MID2: variants seen among roughly 807,000 people sequenced by gnomAD.
MID2 encodes midline 2.
Under a neutral mutation model 46.1 loss-of-function variants are expected in MID2, and 13 were observed. The ratio of observed to expected loss-of-function variants is 0.28; its 90% confidence interval spans 0.18 to 0.45. The LOEUF is 0.45. MID2 is among the 20% of genes least tolerant of loss of function. The pLI is 1.00. For missense variants in MID2, 431 were observed against 575.4 expected, an observed-to-expected ratio of 0.75 and a Z score of 2.57; for synonymous variants, 199 against 212.3, an observed-to-expected ratio of 0.94 and a Z score of 0.55.
intron 3 of MID2, among the ~76,000 whole-genome samples, chrX:107,873,118 C>G (rs1026479580): frequency 1.8e-5 from 2 of 111,661 alleles, no homozygotes; most frequent in African/African-American, 6.5e-5. Flanking sequence ...GCCATTATCA[C>G]TCTGGAGGTA....
intron 3 of MID2, among the ~76,000 whole-genome samples, chrX:107,889,217 A>G (rs1253359241): frequency 1.8e-5 from 2 of 111,438 alleles, no homozygotes; most frequent in African/African-American, 3.3e-5. Flanking sequence ...TCCTAGCCTC[A>G]ATGGTCTTTA....
In MID2 at chrX:107,917,535, C is replaced by T. The variant is rs747976072; in HGVS notation, c.1231C>T (p.Leu411Phe). The T allele has an allele frequency of 1.7e-6, 2 of 1,208,996 alleles. No individual in the cohort carries two copies. Among genetic ancestry groups the T allele is most frequent in the African/African-American group, 3.5e-5 (2 of 57,016 alleles). Residue 411 changes from leucine to phenylalanine, a missense_variant, in exon 7 of 10, where the codon CTC (leucine) becomes TTC (phenylalanine). Physicochemically the swap from Leu to Phe is conservative, Grantham distance 22. Coordinates refer to ENST00000262843, the MANE Select transcript of MID2 (RefSeq NM_012216.4). The part of the protein sequence containing the change: ...APNPPSIREE[L>F]CTASHDTITV... ...AAACCCACCATCTATCCGAGAAGAA[C>T]TCTGTACTGCCTCCCATGACACCAT... is the stretch of plus-strand genomic sequence containing the variant.
intron 3 of MID2, among the ~76,000 whole-genome samples, chrX:107,860,247 G>A (rs1931827510): frequency 9.0e-6 from 1 of 111,704 alleles, no homozygotes; most frequent in African/African-American, 3.3e-5. Context: ...GTGAAGGAGT[G>A]AGGGAGAAGA....
chrX:107,848,541 GA>G (rs902728734), intron 2 of MID2, among the ~76,000 whole-genome samples: 2 of 111,193 alleles, frequency 1.8e-5, no homozygotes, highest in African/African-American at 6.5e-5. Flanking sequence ...AGAGCCTTTT[GA>G]AAAGATGGCA....
At position 107,931,244 on chromosome X, in the gene MID2, G is replaced by A. The variant is rs1212001190; in HGVS notation, c.*4171G>A. On this transcript the variant is annotated 3_prime_UTR_variant, in exon 10 of 10. Transcript: ENST00000262843. The stretch of plus-strand genomic sequence containing the variant: ...TCCAAGGAATGGAGAGTGTCAGGCA[G>A]GTAGGTAAGAACCACTCCTACACTT... Among the ~76,000 whole-genome samples, 1 of 112,071 alleles carries A rather than the reference G, an allele frequency of 8.9e-6. No individual in the cohort carries two copies. The highest frequency in any genetic ancestry group is 1.9e-5 in the Non-Finnish European group (1 of 53,162).
chrX:107,890,667 C>A (rs1055293149), intron 3 of MID2, among the ~76,000 whole-genome samples: 4 of 112,105 alleles, frequency 3.6e-5, no homozygotes, highest in African/African-American at 1.3e-4. Flanking sequence ...ACATTTAAGT[C>A]TGCAGAGTTT....
intron 5 of MID2, among the ~76,000 whole-genome samples, chrX:107,910,838 C>CTTTCCTTTCCTTTCCTTTCCTCTCCT: frequency 2.4e-5 from 1 of 42,082 alleles, no homozygotes; most frequent in Admixed American, 2.7e-4. Context: ...CTTTCCTTTC[C>CTTTCCTTTCCTTTCCTTTCCTCTCCT]CTCTCTCTTT....
At chrX:107,876,058 G>A (rs1290334247) in intron 3 of MID2, among the ~76,000 whole-genome samples, 6 of 111,723 alleles carry the variant, frequency 5.4e-5, no homozygotes, top group African/African-American at 2.0e-4. Context: ...GATTGGACAG[G>A]GTCAAGGTGG....
chrX:107,874,492 T>A (rs34444789), intron 3 of MID2, among the ~76,000 whole-genome samples: 4,897 of 112,473 alleles, frequency 0.044, 115 homozygotes, highest in Middle Eastern at 0.18. Context: ...TTAGGTAGCC[T>A]ACAGGCTGCT....
intron 3 of MID2, among the ~76,000 whole-genome samples, chrX:107,888,710 T>C (rs1220282599): frequency 9.0e-6 from 1 of 111,486 alleles, no homozygotes; most frequent in African/African-American, 3.3e-5. Context: ...ATGTTGACAA[T>C]GCGGGGGTGT....
chrX:107,834,403 TA>T (rs1931159561), intron 1 of MID2, among the ~76,000 whole-genome samples: 1 of 111,979 alleles, frequency 8.9e-6, no homozygotes, highest in Non-Finnish European at 1.9e-5. Context: ...TGACAAATTG[TA>T]AAAACTTTCA....
rs970122438 is a variant in MID2, at chrX:107,836,789, G to A, written c.5-3881G>A. 7.2e-5 allele frequency among the ~76,000 whole-genome samples: 8 copies of A among 111,166 alleles called. No individual in the cohort carries two copies. In the East Asian group the frequency reaches 1.7e-3, roughly 23 times the overall value. On this transcript the variant is annotated intron_variant, in intron 1 of 9. Transcript: ENST00000262843. ...AAGTTGATAAAAGTATTCAGTACCC[G>A]AAAATTGGCTAAAACAGTTAATATA...
chrX:107,894,196 C>G (rs1479821673), intron 3 of MID2, among the ~76,000 whole-genome samples: 1 of 105,166 alleles, frequency 9.5e-6, no homozygotes, highest in Non-Finnish European at 2.0e-5. Context: ...GTGTCCTATC[C>G]TTTTTTTTTT....
chrX:107,906,459 C>G (rs1346044767), intron 5 of MID2, among the ~76,000 whole-genome samples: 1 of 112,472 alleles, frequency 8.9e-6, no homozygotes, highest in Non-Finnish European at 1.9e-5. Context: ...AGCTCCATCT[C>G]ATCCACCCAT....
At chrX:107,882,902 A>G (rs1238008512) in intron 3 of MID2, among the ~76,000 whole-genome samples, 1 of 112,123 alleles carries the variant, frequency 8.9e-6, no homozygotes, top group Non-Finnish European at 1.9e-5. Flanking sequence ...GCATGCACAC[A>G]TATGTTTACT....
At chrX:107,905,704 G>A (rs923850597) in intron 5 of MID2, 78 bp downstream of exon 5, 1 of 846,063 alleles carries the variant, frequency 1.2e-6, no homozygotes, top group African/African-American at 2.1e-5. Context: ...GTTCAGGCAT[G>A]TATCTAACAG....
At chrX:107,830,663 G>A (rs1029094356) in intron 1 of MID2, among the ~76,000 whole-genome samples, 14 of 112,140 alleles carry the variant, frequency 1.2e-4, no homozygotes, top group African/African-American at 4.5e-4. Context: ...AAAATATTGT[G>A]TTCATCACTA....
intron 3 of MID2, among the ~76,000 whole-genome samples, chrX:107,898,102 C>T (rs139624637): frequency 0.02 from 2,193 of 111,436 alleles, 21 homozygotes; most frequent in Middle Eastern, 0.051. Flanking sequence ...CCTCCCAGTT[C>T]TTCATGTACT....
intron 3 of MID2, among the ~76,000 whole-genome samples, chrX:107,900,687 A>G (rs886683694): frequency 9.0e-6 from 1 of 111,630 alleles, no homozygotes; most frequent in Non-Finnish European, 1.9e-5. Context: ...TCTCCTTCAC[A>G]CCTTTTTAAT....
Sources: allele counts gnomAD v4.1 joint callset (sites outside exome capture counted in the v4.1 genomes callset), GRCh38; gene constraint gnomAD v4.1.1; transcripts MANE v1.5; gene names NCBI Gene and HGNC (gene_info 2026-07-23, HGNC 2026-07-21).